Variants in RPGRIP1L observed in about 807,000 individuals in gnomAD.
RPGRIP1L encodes the protein RPGRIP1 like, also known as protein fantom.
RPGRIP1L carries 131 observed loss-of-function variants against 160.4 expected under a neutral mutation model. The observed-to-expected ratio is 0.82, with a 90% confidence interval of 0.71 to 0.94. RPGRIP1L has a LOEUF of 0.94. Among genes scored for constraint, RPGRIP1L ranks in the 40% least tolerant of loss-of-function variants. The probability of loss-of-function intolerance (pLI) is 0.00; values close to 1 mark genes in which losing one functional copy is unlikely to be tolerated. For missense variants in RPGRIP1L, 1,522 were observed against 1,535.8 expected, an observed-to-expected ratio of 0.99 and a Z score of 0.15; for synonymous variants, 510 against 515.8, an observed-to-expected ratio of 0.99 and a Z score of 0.15.
Position 53,652,892 on chromosome 16 carries a change from G to A in RPGRIP1L, c.1795C>T (p.His599Tyr). Residue 599 changes from histidine (H) to tyrosine (Y), a missense_variant, in exon 15 of 27, where the codon CAC becomes TAC. Physicochemically the swap from His to Tyr is moderately conservative, Grantham distance 83. Coordinates refer to ENST00000647211, the MANE Select transcript of RPGRIP1L (RefSeq NM_015272.5). Reference protein sequence around the residue: ...DSVDEFDETIHLERGENLFEI... With the variant: ...DSVDEFDETIYLERGENLFEI... ...AATAGATTTTCGCCTCGTTCTAAGTGGATGGTTTCATCAAATTCATCAACA... is the reference window on the plus strand; with the variant it reads ...AATAGATTTTCGCCTCGTTCTAAGTAGATGGTTTCATCAAATTCATCAACA... 1.2e-6 allele frequency: 2 copies of A among 1,612,768 alleles called. No homozygotes were observed. The highest frequency in any genetic ancestry group is 1.7e-6 in the Non-Finnish European group (2 of 1,179,548).
Position 53,696,205 on chromosome 16 carries a change from T to A in RPGRIP1L, c.176A>T (p.Asp59Val). The A allele has an allele frequency of 6.2e-7, 1 of 1,614,034 alleles. No homozygotes were observed. ...ATGCTGTTTAAGTAAAATGTTCTCA[T>A]CATGCAAACGCAAAAATCTGTCTTC... ...ELEDRFLRLH[D>V]ENILLKQHAR... Residue 59 changes from aspartate (D) to valine (V), a missense_variant, in exon 3 of 27, where the codon GAT (aspartate) becomes GTT (valine). Asp to Val is a radical substitution (Grantham distance 152). Transcript: ENST00000647211.
intron 22 of RPGRIP1L, among the ~76,000 whole-genome samples, chr16:53,626,510 A>C (rs1485111307): frequency 6.6e-6 from 1 of 152,072 alleles, no homozygotes; most frequent in Non-Finnish European, 1.5e-5. Context: ...AACATTTATA[A>C]ATTTTGATTG....
intron 9 of RPGRIP1L, among the ~76,000 whole-genome samples, chr16:53,669,620 T>G (rs992475777): frequency 6.6e-6 from 1 of 152,128 alleles, no homozygotes; most frequent in Non-Finnish European, 1.5e-5. Context: ...TCCAAGTAAG[T>G]ATGTTCAGCA....
At chr16:53,656,312 G>A (rs951300297) in intron 14 of RPGRIP1L, among the ~76,000 whole-genome samples, 160 bp downstream of exon 14, 1 of 152,114 alleles carries the variant, frequency 6.6e-6, no homozygotes, top group African/African-American at 2.4e-5. Context: ...TAGGAATACT[G>A]CTGGAACCCA....
chr16:53,645,232 G>A (rs1966464463), intron 17 of RPGRIP1L, among the ~76,000 whole-genome samples: 2 of 151,644 alleles, frequency 1.3e-5, no homozygotes, highest in South Asian at 4.2e-4. Flanking sequence ...AAGAATATAA[G>A]ATTTTATAAA....
intron 22 of RPGRIP1L, among the ~76,000 whole-genome samples, chr16:53,628,973 C>T (rs1392061146): frequency 6.6e-6 from 1 of 150,754 alleles, no homozygotes; most frequent in Non-Finnish European, 1.5e-5. Context: ...TATTTCATCA[C>T]CATAGAAATG....
intron 22 of RPGRIP1L, among the ~76,000 whole-genome samples, chr16:53,622,928 G>A (rs1447577995): frequency 6.6e-6 from 1 of 152,004 alleles, no homozygotes; most frequent in Non-Finnish European, 1.5e-5. Flanking sequence ...GAGCCTGAGA[G>A]GTTGGGGCTG....
At chr16:53,658,485 G>A (rs778714627) in intron 11 of RPGRIP1L, 21 bp from the exon 12 acceptor site, 6 of 1,573,708 alleles carry the variant, frequency 3.8e-6, no homozygotes, top group South Asian at 2.2e-5. Context: ...TTAAGTAAAA[G>A]CTCACAATGA....
chr16:53,611,945 G>A (rs1964072775), intron 24 of RPGRIP1L, among the ~76,000 whole-genome samples: 1 of 152,176 alleles, frequency 6.6e-6, no homozygotes, highest in South Asian at 2.1e-4. Context: ...TGCAATGGGT[G>A]AAAGATATCA....
chr16:53,645,195 C>A (rs1289330045), intron 17 of RPGRIP1L, among the ~76,000 whole-genome samples: 1 of 152,006 alleles, frequency 6.6e-6, no homozygotes, highest in African/African-American at 2.4e-5. Flanking sequence ...TATTTTCTCT[C>A]TTCTCTTACT....
chr16:53,670,365 T>C (rs1968612427), intron 9 of RPGRIP1L, among the ~76,000 whole-genome samples: 1 of 152,218 alleles, frequency 6.6e-6, no homozygotes, highest in African/African-American at 2.4e-5. Flanking sequence ...CCAGAAGTAG[T>C]AGCTGTTGAA....
rs1879650018 is a variant in RPGRIP1L, at chr16:53,599,080, G to T, written c.*2996C>A. 1 of 152,136 alleles carries T rather than the reference G, an allele frequency of 6.6e-6. No homozygotes were observed. The highest frequency in any genetic ancestry group is 1.5e-5 in the Non-Finnish European group (1 of 68,034). The allele number at this position is 152,136 out of a possible 1,614,324, so 9.4% of individuals were successfully genotyped here. A position where few individuals can be genotyped will look rare whatever the true frequency, so the allele number is the denominator to read the frequency against. On this transcript the variant is annotated 3_prime_UTR_variant, in exon 27 of 27. Coordinates refer to ENST00000647211, the MANE Select transcript of RPGRIP1L (RefSeq NM_015272.5). ...GGTTTTCATTTTCACAGCTCTTGAT[G>T]TCAGATTACTAAAATAATTTATGTT... is the stretch of plus-strand genomic sequence containing the variant.
intron 9 of RPGRIP1L, among the ~76,000 whole-genome samples, chr16:53,667,276 T>C (rs1218992266): frequency 6.6e-6 from 1 of 152,170 alleles, no homozygotes; most frequent in Non-Finnish European, 1.5e-5. Flanking sequence ...GTCAGCAAAC[T>C]GTAAATACAC....
rs1963285611 is a variant in RPGRIP1L at position 53,599,313 on chromosome 16, G to A, written c.*2763C>T. 1 of 152,202 alleles carries A rather than the reference G, an allele frequency of 6.6e-6. No homozygotes were observed. The highest frequency in any genetic ancestry group is 2.1e-4 in the South Asian group (1 of 4,834). The allele number at this position is 152,202 out of a possible 1,614,324, so 9.4% of individuals were successfully genotyped here. On this transcript the variant is annotated 3_prime_UTR_variant, in exon 27 of 27. Transcript: ENST00000647211. ...AAAAACTAATTTAAGTTAAATGGCA[G>A]TAAACCATGATAATTTAGAAAACAT...
intron 22 of RPGRIP1L, among the ~76,000 whole-genome samples, chr16:53,633,353 C>T (rs759076697): frequency 5.3e-5 from 8 of 152,264 alleles, no homozygotes; most frequent in Non-Finnish European, 8.8e-5. Flanking sequence ...AAATGCATAA[C>T]TGGAATCTGA....
Position 53,617,073 on chromosome 16 carries a change from C to CAAAAAAAAAAAAAAAAA in RPGRIP1L, c.3616+1935_3616+1951dup, listed in dbSNP as rs397945611. Among the ~76,000 whole-genome samples the CAAAAAAAAAAAAAAAAA allele has an allele frequency of 2.1e-3, 45 of 21,846 alleles. 6 individuals carry two copies. The highest frequency in any genetic ancestry group is 0.019 in the Middle Eastern group (1 of 54). 14.3% of individuals were successfully genotyped at this position (21,846 alleles called of 152,430 possible). A position where few individuals can be genotyped will look rare whatever the true frequency, so the allele number is the denominator to read the frequency against. ...GGCAATAGCACCAGACCTTGCATCA[C>CAAAAAAAAAAAAAAAAA]AAAAAAAAAAAAAAAAAAAAAAAAA... On this transcript the variant is annotated intron_variant, in intron 24 of 26. Coordinates refer to ENST00000647211, the MANE Select transcript of RPGRIP1L (RefSeq NM_015272.5).
Position 53,676,028 on chromosome 16 carries a change from A to G in RPGRIP1L, c.777-906T>C, listed in dbSNP as rs1359440412. 4.6e-5 allele frequency among the ~76,000 whole-genome samples: 7 copies of G among 152,334 alleles called. 1 individual carries two copies. In the East Asian group the frequency reaches 1.3e-3, roughly 29 times the overall value. On this transcript the variant is annotated intron_variant, in intron 6 of 26. Transcript: ENST00000647211. The stretch of plus-strand genomic sequence containing the variant: ...ATTTAAAATCAGAGTTCAATATTTA[A>G]AGTAAGAGATTTTACTTTTAAAACT...
intron 16 of RPGRIP1L, among the ~76,000 whole-genome samples, chr16:53,646,324 A>C (rs576792940): frequency 6.6e-6 from 1 of 152,298 alleles, no homozygotes; most frequent in African/African-American, 2.4e-5. Flanking sequence ...TATAGTGAGC[A>C]ATGGGTAGAT....
At chr16:53,672,335 C>T (rs970331581) in intron 8 of RPGRIP1L, among the ~76,000 whole-genome samples, 14 of 152,008 alleles carry the variant, frequency 9.2e-5, no homozygotes, top group African/African-American at 2.9e-4. Context: ...AAAGATTCTC[C>T]CAAGATCAGA....
Sources: gnomAD v4.1 joint callset for allele counts (sites outside exome capture counted in the v4.1 genomes callset) on GRCh38, gnomAD v4.1.1 for gene constraint, MANE v1.5 for transcripts, NCBI Gene and HGNC (gene_info 2026-07-23, HGNC 2026-07-21) for gene names.